Variants in MEGF6 observed in about 807,000 individuals in gnomAD.
The protein encoded by MEGF6 is multiple EGF like domains 6, also known as multiple epidermal growth factor-like domains protein 6.
A neutral mutation model predicts 207.1 loss-of-function variants in MEGF6; 184 were observed. The observed-to-expected ratio is 0.89, with a 90% CI of 0.79 to 1.00. The LOEUF (loss-of-function observed/expected upper bound fraction) is 1.00. Ranked by LOEUF, MEGF6 falls within the 50% of genes least tolerant of loss-of-function variation. The probability of loss-of-function intolerance (pLI) is 0.00; values close to 1 mark genes in which losing one functional copy is unlikely to be tolerated. For missense variants in MEGF6, 2,282 were observed against 2,202.9 expected (o/e 1.04, Z -0.72); for synonymous variants, 1,038 against 910.0 (o/e 1.14, Z -2.53).
rs1640259696 is a variant in MEGF6 at position 3,489,309 on chromosome 1, G to T, written c.*1219C>A. ...CTGCCCTGGGGCCTCAGCTACCTTG[G>T]CTGGTTTTAGGGTGATGGGGGCGGC... On this transcript the variant is annotated 3_prime_UTR_variant, in exon 37 of 37. Coordinates refer to ENST00000356575, the MANE Select transcript of MEGF6 (RefSeq NM_001409.4). Among the ~76,000 whole-genome samples the T allele has an allele frequency of 6.6e-6, 1 of 152,224 alleles. No homozygotes were observed.
At chr1:3,537,672 G>A (rs1047837424) in intron 4 of MEGF6, among the ~76,000 whole-genome samples, 3 of 152,234 alleles carry the variant, frequency 2.0e-5, no homozygotes, top group African/African-American at 4.8e-5. Flanking sequence ...CATCACTTCC[G>A]GCCATGACAT....
At position 3,539,027 on chromosome 1, in the gene MEGF6, G is replaced by C. The variant is rs537729414; in HGVS notation, c.482-14781C>G. ...GGAGGTGGCACTCAGCTGGCCTTTG[G>C]ACATGACATTTTCAGGGACATGAAC... On this transcript the variant is annotated intron_variant, in intron 4 of 36. Transcript: ENST00000356575. Among the ~76,000 whole-genome samples the C allele has an allele frequency of 8.5e-5, 13 of 152,312 alleles. No homozygotes were observed. In the East Asian group the frequency reaches 2.5e-3, roughly 29 times the overall value.
intron 21 of MEGF6, 53 bp downstream of exon 21, chr1:3,500,580 T>C (rs1416441691): frequency 7.3e-6 from 11 of 1,515,024 alleles, no homozygotes; most frequent in Non-Finnish European, 9.7e-6. Context: ...TGTGCATATG[T>C]GTGCGTGTGC....
intron 5 of MEGF6, among the ~76,000 whole-genome samples, chr1:3,520,179 G>GCC (rs1641691442): frequency 6.6e-6 from 1 of 152,236 alleles, no homozygotes. Context: ...GCCCAGGAGT[G>GCC]CTGCTCAACC....
intron 1 of MEGF6, among the ~76,000 whole-genome samples, chr1:3,603,304 G>A (rs59341129): frequency 3.3e-5 from 5 of 152,070 alleles, no homozygotes; most frequent in South Asian, 2.1e-4. Context: ...CAGGCCCTGC[G>A]GGGGGAAGGG....
chr1:3,500,525 T>C (rs961021620), intron 21 of MEGF6, 108 bp downstream of exon 21: 23 of 1,415,408 alleles, frequency 1.6e-5, no homozygotes, highest in Middle Eastern at 1.8e-4. Context: ...TTCGTGTGTG[T>C]GCGTGCAGGA....
At chr1:3,598,639 G>A (rs1003715260) in intron 2 of MEGF6, among the ~76,000 whole-genome samples, 3 of 151,612 alleles carry the variant, frequency 2.0e-5, no homozygotes, top group Non-Finnish European at 4.4e-5. Flanking sequence ...CCGTTCTCCT[G>A]CAGCCAGCAC....
intron 3 of MEGF6, 87 bp downstream of exon 3, chr1:3,595,251 C>G: frequency 1.1e-6 from 1 of 913,718 alleles, no homozygotes; most frequent in Non-Finnish European, 1.7e-6. Context: ...AGGGCGATCC[C>G]CACCAGGCCC....
intron 4 of MEGF6, among the ~76,000 whole-genome samples, chr1:3,547,354 C>G (rs551744418): frequency 2.6e-5 from 4 of 152,180 alleles, no homozygotes; most frequent in Non-Finnish European, 4.4e-5. Flanking sequence ...GGCCTCTCCC[C>G]GGGCCTTCAG....
chr1:3,582,166 A>G (rs2101766499), intron 3 of MEGF6, among the ~76,000 whole-genome samples: 1 of 152,314 alleles, frequency 6.6e-6, no homozygotes, highest in East Asian at 1.9e-4. Context: ...TGTCCAGGAC[A>G]GACATTAATT....
At chr1:3,558,299 T>C (rs1032338037) in intron 4 of MEGF6, among the ~76,000 whole-genome samples, 1 of 152,202 alleles carries the variant, frequency 6.6e-6, no homozygotes, top group Admixed American at 6.5e-5. Flanking sequence ...TGCATAAATG[T>C]ACATGTGACT....
At chr1:3,540,934 G>A (rs1029230326) in intron 4 of MEGF6, among the ~76,000 whole-genome samples, 6 of 152,230 alleles carry the variant, frequency 3.9e-5, no homozygotes, top group African/African-American at 7.2e-5. Flanking sequence ...AGGGCTGGGC[G>A]CTTCTGGCAT....
intron 3 of MEGF6, among the ~76,000 whole-genome samples, chr1:3,582,844 G>T (rs4648526): frequency 0.25 from 37,661 of 152,052 alleles, 6,162 homozygotes; most frequent in African/African-American, 0.46. Context: ...CCCCGCTCTT[G>T]CCCCCTCTAG....
chr1:3,606,317 G>T (rs893760418), intron 1 of MEGF6, among the ~76,000 whole-genome samples: 1 of 152,218 alleles, frequency 6.6e-6, no homozygotes, highest in African/African-American at 2.4e-5. Context: ...CCTCGGGGTG[G>T]GAAGGATTGC....
At chr1:3,531,588 C>T in intron 4 of MEGF6, 1 of 777,076 alleles carries the variant, frequency 1.3e-6, no homozygotes, top group Non-Finnish European at 1.6e-6. Context: ...AGCGTGCGCG[C>T]TCCCGGACCC....
chr1:3,529,620 G>A (rs1025854257), intron 4 of MEGF6, among the ~76,000 whole-genome samples: 5 of 152,234 alleles, frequency 3.3e-5, no homozygotes, highest in African/African-American at 1.2e-4. Flanking sequence ...CGACACGGCT[G>A]TGCCAACACG....
chr1:3,562,979 T>A (rs574188730), intron 4 of MEGF6, among the ~76,000 whole-genome samples: 403 of 152,122 alleles, frequency 2.6e-3, no homozygotes, highest in African/African-American at 9.1e-3. Flanking sequence ...GGAGGAAGGC[T>A]TTCAGGCACC....
chr1:3,607,145 G>A (rs1188630572), intron 1 of MEGF6, among the ~76,000 whole-genome samples: 2 of 151,638 alleles, frequency 1.3e-5, no homozygotes, highest in Non-Finnish European at 2.9e-5. Flanking sequence ...TGTCCTTCCC[G>A]GCCCTCCTCA....
chr1:3,500,249 A>T (rs1362257875), intron 21 of MEGF6, among the ~76,000 whole-genome samples: 1 of 152,188 alleles, frequency 6.6e-6, no homozygotes, highest in East Asian at 1.9e-4. Flanking sequence ...CTCAGTCCTA[A>T]GCAGACCCCT....
Sources: allele counts gnomAD v4.1 joint callset (sites outside exome capture counted in the v4.1 genomes callset), GRCh38; gene constraint gnomAD v4.1.1; transcripts MANE v1.5; gene names NCBI Gene and HGNC (gene_info 2026-07-23, HGNC 2026-07-21).